AKNA: variants seen among roughly 807,000 people sequenced by gnomAD.
AKNA encodes microtubule organization protein AKNA.
Under a neutral mutation model 138.8 loss-of-function variants are expected in AKNA, and 67 were observed. The observed-to-expected ratio is 0.48, with a 90% CI of 0.40 to 0.59. AKNA has a LOEUF of 0.59. AKNA is among the 20% of genes least tolerant of loss of function. AKNA has a pLI of 0.00. For missense variants in AKNA, 1,813 were observed against 1,880.4 expected (o/e 0.96, Z 0.66); for synonymous variants, 737 against 754.4 (o/e 0.98, Z 0.38).
chr9:114,331,716 C>T (rs779980230), downstream of AKNA: 3 of 1,589,562 alleles, frequency 1.9e-6, no homozygotes, highest in African/African-American at 1.4e-5. Context: ...CCCTCTCAGG[C>T]CTCACCCCCC....
intron 4 of AKNA, among the ~76,000 whole-genome samples, chr9:114,369,302 TTC>T (rs1299276757): frequency 6.6e-6 from 1 of 152,190 alleles, no homozygotes. Context: ...GAGAACTATG[TTC>T]TGTTTTTGTA....
chr9:114,338,575 G>A (rs1191247820), intron 21 of AKNA, among the ~76,000 whole-genome samples: 1 of 152,212 alleles, frequency 6.6e-6, no homozygotes, highest in East Asian at 1.9e-4. Flanking sequence ...GCAAAGCGGA[G>A]CTCAGAGAAG....
chr9:114,368,973 ATG>A (rs1320920062), intron 4 of AKNA, among the ~76,000 whole-genome samples: 3 of 152,356 alleles, frequency 2.0e-5, no homozygotes, highest in East Asian at 3.9e-4. Flanking sequence ...TTTATTAATA[ATG>A]TGTGTTATAA....
chr9:114,394,655 T>C (rs945047573), upstream of AKNA, among the ~76,000 whole-genome samples: 1 of 152,224 alleles, frequency 6.6e-6, no homozygotes, highest in African/African-American at 2.4e-5. Flanking sequence ...TGTTGCTGGA[T>C]TGGATCCTCA....
intron 4 of AKNA, 73 bp from the exon 5 acceptor site, chr9:114,368,668 T>C: frequency 8.1e-7 from 1 of 1,234,072 alleles, no homozygotes; most frequent in Middle Eastern, 2.1e-4. Context: ...CTCATCTTCA[T>C]TCAGGAGCTC....
chr9:114,352,965 T>C (rs1831237846), intron 14 of AKNA, among the ~76,000 whole-genome samples: 2 of 151,598 alleles, frequency 1.3e-5, no homozygotes, highest in African/African-American at 4.8e-5. Flanking sequence ...TAATCTGAGG[T>C]GTCAGAAGTC....
intron 4 of AKNA, among the ~76,000 whole-genome samples, chr9:114,373,491 C>G (rs936113134): frequency 1.3e-5 from 2 of 152,150 alleles, no homozygotes; most frequent in Admixed American, 6.5e-5. Flanking sequence ...GCCCAAGTAA[C>G]GTCCTTAAGG....
chr9:114,349,134 A>G, intron 15 of AKNA: 2 of 350,558 alleles, frequency 5.7e-6, no homozygotes, highest in Non-Finnish European at 1.1e-5. Context: ...CCCCACCCCC[A>G]GTTAACTCCT....
intron 2 of AKNA, among the ~76,000 whole-genome samples, chr9:114,380,803 G>A (rs1381061429): frequency 3.0e-5 from 4 of 132,612 alleles, no homozygotes; most frequent in African/African-American, 8.8e-5. Flanking sequence ...GTGAAACCCC[G>A]TCTCTACTAA....
Position 114,359,616 on chromosome 9 carries a change from T to A in AKNA, c.2470A>T (p.Lys824Ter). ...LPRQCPVQAE[K>*]SHGAPLEEAT... ...TACTCCAGGGGAGCCCCATGACTTT[T>A]CTCAGCCTGCACCGGGCACTGCCTT... The change falls in exon 11 of 22, where the codon AAA becomes TAA. Residue 824 changes from lysine (K) to a stop codon, truncating the protein, a stop_gained. Transcript: ENST00000374088. LOFTEE classifies it high-confidence loss of function. 6.2e-7 allele frequency: 1 copy of A among 1,608,808 alleles called. No homozygotes were observed. Among genetic ancestry groups the A allele is most frequent in the African/African-American group, 1.4e-5 (1 of 70,406 alleles).
intron 18 of AKNA, 122 bp from the exon 19 acceptor site, chr9:114,343,925 A>ACGTATGCACACTCAC: frequency 1.2e-6 from 1 of 824,196 alleles, no homozygotes; most frequent in Non-Finnish European, 1.9e-6. Context: ...TCTCTCTCTC[A>ACGTATGCACACTCAC]CGTGTGCACA....
intron 1 of AKNA, among the ~76,000 whole-genome samples, chr9:114,382,605 A>G (rs1833769285): frequency 6.6e-6 from 1 of 151,552 alleles, no homozygotes; most frequent in Admixed American, 6.6e-5. Flanking sequence ...AAAAAAAAAA[A>G]GGTAGCATTC....
intron 4 of AKNA, among the ~76,000 whole-genome samples, chr9:114,369,704 T>C (rs957946116): frequency 6.7e-6 from 1 of 150,032 alleles, no homozygotes; most frequent in South Asian, 2.1e-4. Context: ...ATCATCACCA[T>C]CAGCATCATC....
chr9:114,390,927 C>G (rs1318853735), upstream of AKNA, among the ~76,000 whole-genome samples: 2 of 152,240 alleles, frequency 1.3e-5, no homozygotes, highest in Non-Finnish European at 2.9e-5. Flanking sequence ...ATTTGATTAA[C>G]ATCTGTCTCT....
At chr9:114,347,929 G>C in intron 15 of AKNA, 29 bp from the exon 16 acceptor site, 1 of 1,546,138 alleles carries the variant, frequency 6.5e-7, no homozygotes, top group Admixed American at 2.0e-5. Flanking sequence ...CAGAAACAAA[G>C]AACAGAGGCA....
chr9:114,332,332 G>A (rs1377739025), downstream of AKNA, among the ~76,000 whole-genome samples: 1 of 152,076 alleles, frequency 6.6e-6, no homozygotes, highest in Non-Finnish European at 1.5e-5. Context: ...GGTTTTCAAT[G>A]TCACCCACAC....
intron 19 of AKNA, among the ~76,000 whole-genome samples, chr9:114,342,440 G>A (rs1830419988): frequency 6.6e-6 from 1 of 152,210 alleles, no homozygotes; most frequent in Non-Finnish European, 1.5e-5. Flanking sequence ...AATTTGCCAA[G>A]GGTCTCAGAG....
At chr9:114,370,179 T>C (rs1213757446) in intron 4 of AKNA, among the ~76,000 whole-genome samples, 2 of 152,192 alleles carry the variant, frequency 1.3e-5, no homozygotes, top group Non-Finnish European at 2.9e-5. Context: ...CAACTCCAAG[T>C]GTGGCATGGT....
intron 13 of AKNA, 114 bp from the exon 14 acceptor site, chr9:114,356,250 T>G: frequency 2.1e-6 from 2 of 953,710 alleles, no homozygotes; most frequent in Non-Finnish European, 3.1e-6. Flanking sequence ...CTTTGTAACT[T>G]TGCATCTCGG....
Sources: gnomAD v4.1 joint callset for allele counts (sites outside exome capture counted in the v4.1 genomes callset) on GRCh38, gnomAD v4.1.1 for gene constraint, MANE v1.5 for transcripts, NCBI Gene and HGNC (gene_info 2026-07-23, HGNC 2026-07-21) for gene names.